Variants in EXOC4 observed in about 807,000 individuals in gnomAD.
EXOC4 encodes the protein exocyst complex component 4.
Under a neutral mutation model 107.2 loss-of-function variants are expected in EXOC4, and 71 were observed. The observed-to-expected ratio is 0.66, with a 90% CI of 0.55 to 0.81. The LOEUF is 0.81. Ranked by LOEUF, EXOC4 falls within the 30% of genes least tolerant of loss-of-function variation. The probability of loss-of-function intolerance (pLI) is 0.00; values close to 1 mark genes in which losing one functional copy is unlikely to be tolerated. For synonymous variants in EXOC4, 456 were observed against 441.2 expected (o/e 1.03, Z -0.42); for missense variants, 1,108 against 1,189.6 (o/e 0.93, Z 1.01).
At chr7:133,298,762 A>C (rs1380716410) in intron 3 of EXOC4, among the ~76,000 whole-genome samples, 2 of 152,258 alleles carry the variant, frequency 1.3e-5, no homozygotes, top group Non-Finnish European at 2.9e-5. Context: ...AACTATGCAT[A>C]GCTTAGGACT....
chr7:133,625,965 G>T (rs1297256125), intron 9 of EXOC4, among the ~76,000 whole-genome samples: 2 of 152,194 alleles, frequency 1.3e-5, no homozygotes, highest in Non-Finnish European at 2.9e-5. Context: ...CCAGCACTTT[G>T]TGGGGCTGAG....
At chr7:133,556,837 A>T (rs951620015) in intron 9 of EXOC4, among the ~76,000 whole-genome samples, 22 of 152,118 alleles carry the variant, frequency 1.4e-4, no homozygotes, top group Non-Finnish European at 4.4e-5. Context: ...CTGTACTTAG[A>T]TGTAGGTATG....
intron 9 of EXOC4, among the ~76,000 whole-genome samples, chr7:133,583,973 CTG>C (rs759673149): frequency 3.3e-5 from 5 of 152,046 alleles, no homozygotes; most frequent in Non-Finnish European, 5.9e-5. Context: ...AGGATAGTGA[CTG>C]TGTGGGTCGG....
At chr7:134,038,516 A>G (rs1394399142) in intron 17 of EXOC4, among the ~76,000 whole-genome samples, 1 of 152,166 alleles carries the variant, frequency 6.6e-6, no homozygotes, top group Non-Finnish European at 1.5e-5. Flanking sequence ...GAGCTTCATT[A>G]TGTGGGTCAA....
chr7:133,417,424 C>G (rs1563057779), intron 7 of EXOC4, among the ~76,000 whole-genome samples: 1 of 152,120 alleles, frequency 6.6e-6, no homozygotes, highest in Non-Finnish European at 1.5e-5. Context: ...ACCTTTTTTA[C>G]ACTTAAGGTG....
chr7:133,899,728 A>C (rs1032850726), intron 12 of EXOC4, among the ~76,000 whole-genome samples: 1 of 146,226 alleles, frequency 6.8e-6, no homozygotes, highest in Non-Finnish European at 1.5e-5. Flanking sequence ...GAGTATACCC[A>C]GTGTTCCAGA....
intron 10 of EXOC4, among the ~76,000 whole-genome samples, chr7:133,807,505 G>A (rs867660143): frequency 4.6e-5 from 7 of 151,924 alleles, no homozygotes; most frequent in Non-Finnish European, 7.4e-5. Context: ...TATTTAATAC[G>A]TGACACATAA....
chr7:133,317,670 TTTTCTTTC>T (rs544788906), intron 5 of EXOC4, among the ~76,000 whole-genome samples: 54 of 152,166 alleles, frequency 3.5e-4, no homozygotes, highest in South Asian at 1.2e-3. Context: ...CCAGCACTGT[TTTTCTTTC>T]TTTCTTTCTT....
At chr7:133,351,481 C>T (rs140260468) in intron 5 of EXOC4, among the ~76,000 whole-genome samples, 26 of 151,854 alleles carry the variant, frequency 1.7e-4, no homozygotes, top group African/African-American at 4.8e-4. Context: ...TGGTGTTGTA[C>T]GATTATTCAC....
chr7:134,062,905 CA>C (rs1563109660), intron 17 of EXOC4, among the ~76,000 whole-genome samples: 1 of 152,252 alleles, frequency 6.6e-6, no homozygotes, highest in Non-Finnish European at 1.5e-5. Flanking sequence ...CTTCCTCCAC[CA>C]AAGGACAGAG....
At chr7:134,011,441 A>G (rs1051429930) in intron 17 of EXOC4, among the ~76,000 whole-genome samples, 9 of 151,770 alleles carry the variant, frequency 5.9e-5, no homozygotes, top group African/African-American at 1.5e-4. Flanking sequence ...TATTTCTCCA[A>G]TAGCTCTACT....
At chr7:134,090,039 A>G in the EXOC4 span, among the ~76,000 whole-genome samples, 1 of 152,198 alleles carries the variant, frequency 6.6e-6, no homozygotes, top group Non-Finnish European at 1.5e-5. Flanking sequence ...AACTGTCTCT[A>G]TTTCCCAAAG....
At chr7:133,884,379 C>T (rs935073996) in intron 11 of EXOC4, among the ~76,000 whole-genome samples, 1 of 152,180 alleles carries the variant, frequency 6.6e-6, no homozygotes, top group Non-Finnish European at 1.5e-5. Context: ...ACCCAAAACT[C>T]GGGGCCTCAA....
intron 9 of EXOC4, among the ~76,000 whole-genome samples, chr7:133,591,945 A>G (rs77427664): frequency 6.6e-6 from 1 of 152,074 alleles, no homozygotes; most frequent in Non-Finnish European, 1.5e-5. Flanking sequence ...ACAGTTTTTG[A>G]ATTTTTTTCC....
intron 9 of EXOC4, among the ~76,000 whole-genome samples, chr7:133,624,043 A>T (rs1404382367): frequency 6.6e-6 from 1 of 152,162 alleles, no homozygotes; most frequent in Non-Finnish European, 1.5e-5. Context: ...CATATTTATT[A>T]TACTGTATAC....
chr7:133,708,981 C>G (rs1794826815), intron 10 of EXOC4, among the ~76,000 whole-genome samples: 1 of 152,154 alleles, frequency 6.6e-6, no homozygotes, highest in Non-Finnish European at 1.5e-5. Flanking sequence ...GCTCATCATT[C>G]AGTTGCATTT....
At chr7:133,797,895 A>G (rs1796850530) in intron 10 of EXOC4, among the ~76,000 whole-genome samples, 1 of 152,224 alleles carries the variant, frequency 6.6e-6, no homozygotes. Context: ...GCTTTCCAGT[A>G]AGGCAAATGA....
At chr7:133,982,154 A>G (rs555855854) in intron 14 of EXOC4, among the ~76,000 whole-genome samples, 37 of 152,320 alleles carry the variant, frequency 2.4e-4, no homozygotes, top group Non-Finnish European at 4.6e-4. Flanking sequence ...TATTAGGCCT[A>G]TGCCTGGGTG....
chr7:133,692,732 G>T (rs1330548091), intron 10 of EXOC4, among the ~76,000 whole-genome samples: 1 of 152,190 alleles, frequency 6.6e-6, no homozygotes, highest in Non-Finnish European at 1.5e-5. Context: ...ATACGTATCA[G>T]TCTCTGTGTA....
Sources: allele counts gnomAD v4.1 joint callset (sites outside exome capture counted in the v4.1 genomes callset), GRCh38; gene constraint gnomAD v4.1.1; transcripts MANE v1.5; gene names NCBI Gene and HGNC (gene_info 2026-07-23, HGNC 2026-07-21).